The following SLC4A5 variants were observed in gnomAD, a reference collection of about 807,000 sequenced individuals.
The protein encoded by SLC4A5 is electrogenic sodium bicarbonate cotransporter 4.
A neutral mutation model predicts 120.4 loss-of-function variants in SLC4A5; 96 were observed. The observed-to-expected ratio is 0.80, with a 90% CI of 0.68 to 0.94. SLC4A5 has a LOEUF of 0.94. Among genes scored for constraint, SLC4A5 ranks in the 40% least tolerant of loss-of-function variants. The pLI, the probability that SLC4A5 is intolerant of heterozygous loss-of-function variation, is 0.00. For synonymous variants in SLC4A5, 550 were observed against 571.1 expected (o/e 0.96, Z 0.53); for missense variants, 1,259 against 1,459.5 (o/e 0.86, Z 2.24).
intron 17 of SLC4A5, 59 bp downstream of exon 17, chr2:74,250,284 G>C: frequency 6.4e-7 from 1 of 1,555,224 alleles, no homozygotes; most frequent in Non-Finnish European, 8.8e-7. Flanking sequence ...GAAGCTTCCT[G>C]CTGCCACCAG....
intron 7 of SLC4A5, among the ~76,000 whole-genome samples, chr2:74,287,037 T>C (rs116407476): frequency 0.01 from 1,532 of 152,196 alleles, 35 homozygotes; most frequent in African/African-American, 0.035. Context: ...TTCACACTCA[T>C]ATTGAAATTT....
chr2:74,224,624 A>T (rs1432880130), intron 28 of SLC4A5, among the ~76,000 whole-genome samples: 3 of 152,036 alleles, frequency 2.0e-5, no homozygotes, highest in African/African-American at 7.2e-5. Context: ...CTGGACAGGG[A>T]GTCTCATTCA....
intron 18 of SLC4A5, 75 bp downstream of exon 18, chr2:74,248,278 T>C: frequency 6.4e-7 from 1 of 1,560,256 alleles, no homozygotes; most frequent in Non-Finnish European, 8.7e-7. Flanking sequence ...CCTTGGGACC[T>C]ATTCCCCTGC....
At chr2:74,298,981 C>T (rs1672402850) in intron 7 of SLC4A5, among the ~76,000 whole-genome samples, 1 of 152,158 alleles carries the variant, frequency 6.6e-6, no homozygotes, top group African/African-American at 2.4e-5. Flanking sequence ...CTCCTATAAT[C>T]CCCATGTGTC....
Position 74,253,316 on chromosome 2 carries a change from G to A in SLC4A5, c.1114-188C>T, listed in dbSNP as rs572431807. Among the ~76,000 whole-genome samples the A allele has an allele frequency of 4.6e-5, 7 of 152,296 alleles. No homozygotes were observed. In the East Asian group the frequency reaches 1.4e-3, roughly 29 times the overall value. ...GGCACAATGGGACACAGCAGGCACT[G>A]GGGGAAGACAGCCTCTCTTGGATCT... On this transcript the variant is annotated intron_variant, in intron 14 of 30. Transcript: ENST00000394019.
intron 6 of SLC4A5, among the ~76,000 whole-genome samples, chr2:74,309,656 ATT>A (rs201372695): frequency 7.8e-5 from 11 of 141,650 alleles, no homozygotes; most frequent in Admixed American, 1.4e-4. Flanking sequence ...TGAACATGAA[ATT>A]TTTTTTTTTT....
chr2:74,219,219 GTT>G (rs879832497), intron 30 of SLC4A5, among the ~76,000 whole-genome samples: 2,322 of 100,598 alleles, frequency 0.023, 15 homozygotes, highest in Middle Eastern at 0.04. Flanking sequence ...GTGTGTGTGT[GTT>G]TGTGTGTGTT....
chr2:74,231,486 C>T (rs937836330), intron 24 of SLC4A5, among the ~76,000 whole-genome samples, 178 bp from the exon 25 acceptor site: 3 of 152,138 alleles, frequency 2.0e-5, no homozygotes, highest in South Asian at 2.1e-4. Context: ...GGAAGACAGG[C>T]GGCCCCTGAC....
At chr2:74,254,936 C>T (rs975873313) in intron 13 of SLC4A5, among the ~76,000 whole-genome samples, 5 of 152,004 alleles carry the variant, frequency 3.3e-5, no homozygotes, top group Non-Finnish European at 5.9e-5. Flanking sequence ...CCTCCCACCT[C>T]AGCCTCCTGA....
chr2:74,285,595 G>C (rs943051796), intron 8 of SLC4A5, among the ~76,000 whole-genome samples, 178 bp downstream of exon 8: 18 of 152,206 alleles, frequency 1.2e-4, no homozygotes, highest in African/African-American at 4.3e-4. Flanking sequence ...AGGATGAAGA[G>C]GAATTCATAA....
exon 28 of SLC4A5, chr2:74,224,983 T>C (rs1367567790): frequency 1.2e-6 from 2 of 1,613,934 alleles, no homozygotes; most frequent in South Asian, 1.1e-5. Context: ...CGAACGATGA[T>C]GAGGCCCAGG....
intron 19 of SLC4A5, among the ~76,000 whole-genome samples, chr2:74,245,141 A>G (rs1670570098): frequency 6.6e-6 from 1 of 152,122 alleles, no homozygotes; most frequent in Non-Finnish European, 1.5e-5. Flanking sequence ...CAAAATGGTG[A>G]AACCCTGTCT....
At chr2:74,223,362 A>G (rs1394606995) in intron 28 of SLC4A5, among the ~76,000 whole-genome samples, 2 of 152,178 alleles carry the variant, frequency 1.3e-5, no homozygotes, top group African/African-American at 4.8e-5. Context: ...GCAAACCACC[A>G]TTCTGTTCAC....
intron 2 of SLC4A5, among the ~76,000 whole-genome samples, chr2:74,341,699 T>C (rs1673630541): frequency 6.6e-6 from 1 of 152,106 alleles, no homozygotes; most frequent in South Asian, 2.1e-4. Context: ...AATTGACTCT[T>C]CCTAAAAAAA....
chr2:74,303,648 G>A (rs551623096), intron 7 of SLC4A5, among the ~76,000 whole-genome samples: 1 of 152,200 alleles, frequency 6.6e-6, no homozygotes, highest in East Asian at 1.9e-4. Flanking sequence ...ACTATTTTCT[G>A]AAGGAGCAGA....
chr2:74,336,876 G>A (rs1021911750), intron 3 of SLC4A5, among the ~76,000 whole-genome samples: 1 of 152,194 alleles, frequency 6.6e-6, no homozygotes, highest in African/African-American at 2.4e-5. Flanking sequence ...AAATAGCCAG[G>A]CCATTCTATG....
At chr2:74,227,935 CTGTTCTGGATGA>C in intron 25 of SLC4A5, 57 bp from the exon 26 acceptor site, 1 of 1,390,232 alleles carries the variant, frequency 7.2e-7, no homozygotes, top group Non-Finnish European at 9.8e-7. Context: ...CTTGGCCACC[CTGTTCTGGATGA>C]CAGTGGCTCC....
At chr2:74,329,088 C>A (rs921945741) in intron 4 of SLC4A5, among the ~76,000 whole-genome samples, 5 of 151,990 alleles carry the variant, frequency 3.3e-5, no homozygotes, top group African/African-American at 1.2e-4. Context: ...TCTCTGCTGA[C>A]AAAAGGAGAG....
chr2:74,338,196 A>T (rs546500362), intron 3 of SLC4A5, among the ~76,000 whole-genome samples: 2 of 152,286 alleles, frequency 1.3e-5, no homozygotes, highest in Admixed American at 1.3e-4. Flanking sequence ...CATAGGAGGG[A>T]GAAATGGAGG....
Sources: gnomAD v4.1 joint callset for allele counts (sites outside exome capture counted in the v4.1 genomes callset) on GRCh38, gnomAD v4.1.1 for gene constraint, MANE v1.5 for transcripts, NCBI Gene and HGNC (gene_info 2026-07-23, HGNC 2026-07-21) for gene names.